AGBL1: variants seen among roughly 807,000 people sequenced by gnomAD.
The protein encoded by AGBL1 is AGBL carboxypeptidase 1.
A neutral mutation model predicts 118.9 loss-of-function variants in AGBL1; 130 were observed. That is an observed-to-expected ratio of 1.09 (90% confidence interval 0.95 to 1.26). The LOEUF (loss-of-function observed/expected upper bound fraction) is 1.26, where lower values mean the gene tolerates loss of function less well. AGBL1 is among the 50% of genes most tolerant of loss of function. The pLI, the probability that AGBL1 is intolerant of heterozygous loss-of-function variation, is 0.00. For synonymous variants in AGBL1, 555 were observed against 478.9 expected (o/e 1.16, Z -2.08); for missense variants, 1,584 against 1,298.1 (o/e 1.22, Z -3.38).
intron 17 of AGBL1, among the ~76,000 whole-genome samples, chr15:86,347,286 A>G (rs1460374370): frequency 6.6e-6 from 1 of 152,252 alleles, no homozygotes; most frequent in East Asian, 1.9e-4. Flanking sequence ...GGATAACTAG[A>G]TGGTTACTAG....
At chr15:86,565,838 C>T (rs2083904613) in intron 21 of AGBL1, among the ~76,000 whole-genome samples, 1 of 152,210 alleles carries the variant, frequency 6.6e-6, no homozygotes, top group African/African-American at 2.4e-5. Context: ...TGGTGGGTGC[C>T]CCTCCCCCAG....
intron 24 of AGBL1, among the ~76,000 whole-genome samples, chr15:87,015,501 A>AG (rs5814269): frequency 0.1 from 15,589 of 152,002 alleles, 1,575 homozygotes; most frequent in African/African-American, 0.26. Context: ...AAACCAGTTC[A>AG]CCCTTCCAAG....
chr15:86,178,937 C>A (rs923460571), intron 5 of AGBL1, among the ~76,000 whole-genome samples: 1 of 152,196 alleles, frequency 6.6e-6, no homozygotes, highest in Non-Finnish European at 1.5e-5. Context: ...GCTCTCAATG[C>A]AATAGAAATT....
At chr15:86,605,823 G>C (rs2084568423) in intron 21 of AGBL1, among the ~76,000 whole-genome samples, 1 of 151,602 alleles carries the variant, frequency 6.6e-6, no homozygotes, top group Non-Finnish European at 1.5e-5. Context: ...AGAGGAGGCA[G>C]CATTGGTTGA....
At chr15:86,974,012 A>T (rs1386683895) in intron 23 of AGBL1, among the ~76,000 whole-genome samples, 1 of 136,820 alleles carries the variant, frequency 7.3e-6, no homozygotes, top group East Asian at 2.1e-4. Flanking sequence ...ATATAAACAT[A>T]TTTAATATAT....
intron 5 of AGBL1, among the ~76,000 whole-genome samples, chr15:86,170,188 G>C (rs1226046881): frequency 6.6e-6 from 1 of 152,150 alleles, no homozygotes; most frequent in Non-Finnish European, 1.5e-5. Flanking sequence ...AACCCAAATT[G>C]AACCTCTGGA....
At chr15:86,205,816 TGA>T (rs1225586633) in intron 5 of AGBL1, among the ~76,000 whole-genome samples, 1 of 152,220 alleles carries the variant, frequency 6.6e-6, no homozygotes, top group Admixed American at 6.5e-5. Flanking sequence ...TTCTTGCTGT[TGA>T]GTTTTTAATT....
At chr15:86,834,370 T>G (rs1264209502) in intron 22 of AGBL1, among the ~76,000 whole-genome samples, 1 of 152,086 alleles carries the variant, frequency 6.6e-6, no homozygotes, top group Non-Finnish European at 1.5e-5. Flanking sequence ...AATGTCATGG[T>G]CTCAGAATCA....
chr15:86,944,318 A>C (rs1270048588), intron 23 of AGBL1, among the ~76,000 whole-genome samples: 1 of 152,040 alleles, frequency 6.6e-6, no homozygotes, highest in Non-Finnish European at 1.5e-5. Context: ...GGCAGAGGTT[A>C]CGGGGAGCTG....
chr15:86,545,390 CTTTTA>C (rs1025990536), intron 19 of AGBL1, among the ~76,000 whole-genome samples: 4 of 152,176 alleles, frequency 2.6e-5, no homozygotes, highest in African/African-American at 9.6e-5. Context: ...TTCCTATTGA[CTTTTA>C]TTTTAATTTT....
At chr15:86,725,373 G>T (rs2086803821) in intron 22 of AGBL1, among the ~76,000 whole-genome samples, 1 of 152,120 alleles carries the variant, frequency 6.6e-6, no homozygotes, top group Non-Finnish European at 1.5e-5. Flanking sequence ...TCTAGGATAG[G>T]GTAGGGGAGG....
chr15:86,441,713 C>T (rs2082066686), intron 18 of AGBL1, among the ~76,000 whole-genome samples: 1 of 152,200 alleles, frequency 6.6e-6, no homozygotes. Flanking sequence ...CTAACCATAG[C>T]TGTTGTCCAA....
intron 21 of AGBL1, among the ~76,000 whole-genome samples, chr15:86,554,951 A>G (rs1275237045): frequency 6.6e-6 from 1 of 151,512 alleles, no homozygotes; most frequent in Non-Finnish European, 1.5e-5. Flanking sequence ...ACATATATCT[A>G]TTGTGTTTCC....
chr15:86,572,750 G>C (rs1405279323), intron 21 of AGBL1, among the ~76,000 whole-genome samples: 1 of 152,218 alleles, frequency 6.6e-6, no homozygotes, highest in African/African-American at 2.4e-5. Flanking sequence ...CACCGCCTGC[G>C]CTTCGCTGCT....
chr15:86,852,507 C>G (rs917704551), intron 22 of AGBL1, among the ~76,000 whole-genome samples: 1 of 152,190 alleles, frequency 6.6e-6, no homozygotes, highest in Non-Finnish European at 1.5e-5. Context: ...CTATTCTGAT[C>G]CACCTGCAAG....
chr15:86,437,003 T>G (rs575753661), intron 18 of AGBL1, among the ~76,000 whole-genome samples: 1 of 127,808 alleles, frequency 7.8e-6, no homozygotes, highest in African/African-American at 2.7e-5. Flanking sequence ...CAGGACTTTG[T>G]TTTTTTTTTT....
chr15:86,168,217 T>G (rs2077368459), intron 5 of AGBL1, among the ~76,000 whole-genome samples: 1 of 152,126 alleles, frequency 6.6e-6, no homozygotes, highest in Admixed American at 6.6e-5. Flanking sequence ...ATAAGATTAA[T>G]GTGATCATGG....
rs1555456795 is a variant in AGBL1 at position 86,850,229 on chromosome 15, G to GGCTTGATAAGA, written c.3159-56858_3159-56857insGCTTGATAAGA. Reference sequence around the variant, plus strand: ...ATTTTCAAGGCTTGATAAGTAGCAAGATGTCACATTCTTGCTGCCTTAGGC... The same window carrying GGCTTGATAAGA: ...ATTTTCAAGGCTTGATAAGTAGCAAGGCTTGATAAGAATGTCACATTCTTGCTGCCTTAGGC... On this transcript the variant is annotated intron_variant, in intron 22 of 22. Transcript: ENST00000614907. Among the ~76,000 whole-genome samples, 103 of 45,218 alleles carry GGCTTGATAAGA rather than the reference G, an allele frequency of 2.3e-3. 1 individual carries two copies. Among genetic ancestry groups the GGCTTGATAAGA allele is most frequent in the African/African-American group, 0.017 (99 of 5,836 alleles). The allele number at this position is 45,218 out of a possible 152,430, so 29.7% of individuals were successfully genotyped here. A position where few individuals can be genotyped will look rare whatever the true frequency, so the allele number is the denominator to read the frequency against.
At chr15:86,671,956 T>G (rs2085753588) in intron 21 of AGBL1, among the ~76,000 whole-genome samples, 1 of 152,080 alleles carries the variant, frequency 6.6e-6, no homozygotes, top group Non-Finnish European at 1.5e-5. Context: ...AGTGATGGGG[T>G]GTGAGAGGAG....
Sources: gnomAD v4.1 joint callset for allele counts (sites outside exome capture counted in the v4.1 genomes callset) on GRCh38, gnomAD v4.1.1 for gene constraint, MANE v1.5 for transcripts, NCBI Gene and HGNC (gene_info 2026-07-23, HGNC 2026-07-21) for gene names.